AGTRAP: variants seen among roughly 807,000 people sequenced by gnomAD.
AGTRAP encodes the protein type-1 angiotensin II receptor-associated protein.
AGTRAP carries 7 observed loss-of-function variants against 15.2 expected under a neutral mutation model. The ratio of observed to expected loss-of-function variants is 0.46; its 90% CI spans 0.26 to 0.87. The LOEUF (loss-of-function observed/expected upper bound fraction) is 0.87, where lower values mean the gene tolerates loss of function less well. Ranked by LOEUF, AGTRAP falls within the 40% of genes least tolerant of loss-of-function variation. The probability of loss-of-function intolerance (pLI) is 0.15; values close to 1 mark genes in which losing one functional copy is unlikely to be tolerated. For missense variants in AGTRAP, 187 were observed against 213.4 expected, an observed-to-expected ratio of 0.88 and a Z score of 0.77; for synonymous variants, 74 against 89.6, an observed-to-expected ratio of 0.83 and a Z score of 0.98.
chr1:11,744,414 T>C, intron 1 of AGTRAP: 2 of 585,202 alleles, frequency 3.4e-6, no homozygotes, highest in South Asian at 4.1e-5. Context: ...CTCGTTGCAC[T>C]TGGCATGAAG....
intron 1 of AGTRAP, among the ~76,000 whole-genome samples, chr1:11,744,741 G>C (rs1642119521): frequency 6.6e-6 from 1 of 152,210 alleles, no homozygotes; most frequent in Admixed American, 6.5e-5. Context: ...CGAGTCCATA[G>C]AGTAAAGTGA....
intron 4 of AGTRAP, among the ~76,000 whole-genome samples, chr1:11,749,714 T>G (rs909294999): frequency 6.6e-6 from 1 of 152,136 alleles, no homozygotes; most frequent in Non-Finnish European, 1.5e-5. Context: ...ACGTGCTGCC[T>G]GGGGAAGCCC....
intron 3 of AGTRAP, 69 bp from the exon 4 acceptor site, chr1:11,748,346 C>T (rs550832604): frequency 3.2e-5 from 49 of 1,527,170 alleles, no homozygotes; most frequent in East Asian, 4.6e-5. Context: ...GCTTCCCATC[C>T]GGTGTGTGGC....
At position 11,750,203 on chromosome 1, in the gene AGTRAP, G is replaced by A. The variant is rs777679033; in HGVS notation, c.*11G>A. 8.1e-6 allele frequency: 13 copies of A among 1,606,046 alleles called. No homozygotes were observed. The highest frequency in any genetic ancestry group is 2.2e-5 in the East Asian group (1 of 44,816). ...GCCCGAGGGTACTGAAGCCAGCCAC[G>A]CTGCGCCCGGCCCTGCCCCGGGCCT... On this transcript the variant is annotated 3_prime_UTR_variant, in exon 5 of 5. Coordinates refer to ENST00000314340, the MANE Select transcript of AGTRAP (RefSeq NM_020350.5).
intron 4 of AGTRAP, 95 bp downstream of exon 4, chr1:11,748,705 G>A: frequency 7.7e-6 from 11 of 1,420,300 alleles, no homozygotes; most frequent in Non-Finnish European, 1.0e-5. Flanking sequence ...TTGCCCCATG[G>A]GGCCAGGGCT....
chr1:11,745,617 T>G lies in AGTRAP; in HGVS notation c.28-186T>G, dbSNP rs1642142115. On this transcript the variant is annotated intron_variant, in intron 1 of 4. Coordinates refer to ENST00000314340, the MANE Select transcript of AGTRAP (RefSeq NM_020350.5). This position sits in a 1 kb window ranked among gnomAD's most constrained non-coding sequence, Gnocchi z 4.2. ...GAAGCGGCCCCTCCCTGGCCTGGCC[T>G]GCTTTCTTCCTCCTCCTTCACTCCT... 6.6e-6 allele frequency among the ~76,000 whole-genome samples: 1 copy of G among 152,222 alleles called. No homozygotes were observed. The highest frequency in any genetic ancestry group is 6.5e-5 in the Admixed American group (1 of 15,288).
At chr1:11,747,870 C>T (rs946743621) in intron 3 of AGTRAP, among the ~76,000 whole-genome samples, 1 of 152,214 alleles carries the variant, frequency 6.6e-6, no homozygotes, top group Non-Finnish European at 1.5e-5. Context: ...CCTCCCTCTG[C>T]GGCTCTCTTT....
rs779852486 is a variant in AGTRAP at position 11,745,752 on chromosome 1, C to T, written c.28-51C>T. On this transcript the variant is annotated intron_variant, in intron 1 of 4. Coordinates refer to ENST00000314340, the MANE Select transcript of AGTRAP (RefSeq NM_020350.5). The surrounding 1 kb of genome is among the most constrained non-coding windows in gnomAD (Gnocchi z 4.2). ...TTCTGCACCCGACGCTTTCCTGCCC[C>T]TGTGGTGGTCATGTTCACAGACCTC... 7.5e-6 allele frequency: 12 copies of T among 1,603,236 alleles called. No individual in the cohort carries two copies. Among genetic ancestry groups the T allele is most frequent in the Middle Eastern group, 1.6e-4 (1 of 6,066 alleles).
intron 4 of AGTRAP, among the ~76,000 whole-genome samples, chr1:11,748,828 A>T (rs766339161): frequency 5.3e-5 from 8 of 152,076 alleles, no homozygotes; most frequent in Admixed American, 1.3e-4. Context: ...GTCTGCCGTG[A>T]CCTTCTTCTG....
At chr1:11,744,246 G>A (rs1350614540) in intron 1 of AGTRAP, among the ~76,000 whole-genome samples, 1 of 152,164 alleles carries the variant, frequency 6.6e-6, no homozygotes. Flanking sequence ...CTGAACTCCA[G>A]CCTGACCCAC....
chr1:11,740,513 C>T (rs930571683), intron 1 of AGTRAP, among the ~76,000 whole-genome samples: 1 of 152,202 alleles, frequency 6.6e-6, no homozygotes, highest in Non-Finnish European at 1.5e-5. Context: ...TTCCAGGTTA[C>T]GTTGTTTTCT....
intron 4 of AGTRAP, among the ~76,000 whole-genome samples, chr1:11,748,861 TTC>T (rs1017003488): frequency 2.0e-5 from 3 of 152,166 alleles, no homozygotes; most frequent in African/African-American, 7.2e-5. Flanking sequence ...GGCTGGGCCC[TTC>T]TCTCAGCCCA....
intron 1 of AGTRAP, among the ~76,000 whole-genome samples, chr1:11,741,667 G>A (rs80085140): frequency 8.9e-4 from 136 of 152,218 alleles, no homozygotes; most frequent in African/African-American, 3.1e-3. Context: ...TGTGACCTTG[G>A]GCAAGTTACT....
rs17875982 is a variant in AGTRAP, at chr1:11,737,702, G to A, written c.27+1467G>A. The stretch of plus-strand genomic sequence containing the variant: ...CTTAGGGCTGACTTTAACGTTGGCT[G>A]TTTCTGTCCTTTGGGAGGGCTTAGT... On this transcript the variant is annotated intron_variant, in intron 1 of 4. Coordinates refer to ENST00000314340, the MANE Select transcript of AGTRAP (RefSeq NM_020350.5). 3.3e-3 allele frequency among the ~76,000 whole-genome samples: 507 copies of A among 152,320 alleles called. 4 individuals are homozygous for A. The highest frequency in any genetic ancestry group is 6.6e-3 in the South Asian group (32 of 4,830).
chr1:11,743,782 T>A (rs1402180264), intron 1 of AGTRAP, among the ~76,000 whole-genome samples: 2 of 151,874 alleles, frequency 1.3e-5, no homozygotes, highest in African/African-American at 2.4e-5. Context: ...GTCAGGCTGA[T>A]CTCGAACTCC....
At chr1:11,744,837 T>TA (rs967488874) in intron 1 of AGTRAP, among the ~76,000 whole-genome samples, 2 of 152,188 alleles carry the variant, frequency 1.3e-5, no homozygotes, top group Admixed American at 6.5e-5. Context: ...TTGCCCTTTT[T>TA]AAAAAAATTA....
At position 11,750,287 on chromosome 1, in the gene AGTRAP, G is replaced by A. The variant is rs1461685595; in HGVS notation, c.*95G>A. The A allele has an allele frequency of 8.5e-6, 9 of 1,061,698 alleles. No individual in the cohort carries two copies. The African/African-American group carries it at 1.4e-4, about 17-fold the overall frequency. The allele number at this position is 1,061,698 out of a possible 1,614,324, so 65.8% of individuals were successfully genotyped here. Reference sequence around the variant, plus strand: ...CCTGACCTCCGTCTCTTGGACCTAAGATGGAATGTGTCCCCAGCTCAGGGA... The same window carrying A: ...CCTGACCTCCGTCTCTTGGACCTAAAATGGAATGTGTCCCCAGCTCAGGGA... On this transcript the variant is annotated 3_prime_UTR_variant, in exon 5 of 5. Transcript: ENST00000314340.
At chr1:11,749,982 G>T in intron 4 of AGTRAP, 95 bp from the exon 5 acceptor site, 1 of 932,416 alleles carries the variant, frequency 1.1e-6, no homozygotes, top group South Asian at 1.5e-5. Context: ...TGCCCAGCCC[G>T]AGGGTGGCGG....
chr1:11,736,913 C>T (rs1262134221), intron 1 of AGTRAP, among the ~76,000 whole-genome samples: 1 of 152,180 alleles, frequency 6.6e-6, no homozygotes. Flanking sequence ...TCTCCCCGCC[C>T]AGCCCCGCCG....
Sources: allele counts gnomAD v4.1 joint callset (sites outside exome capture counted in the v4.1 genomes callset), GRCh38; gene constraint gnomAD v4.1.1; non-coding constraint Gnocchi (gnomAD v3.1); transcripts MANE v1.5; gene names NCBI Gene and HGNC (gene_info 2026-07-23, HGNC 2026-07-21).